PRKCE: variants seen among roughly 807,000 people sequenced by gnomAD.
The protein encoded by PRKCE is protein kinase C epsilon, also known as protein kinase C epsilon type.
In PRKCE, 16 loss-of-function variants were observed where a neutral mutation model predicts 85.4. The observed-to-expected ratio is 0.19, with a 90% CI of 0.13 to 0.28. The LOEUF (loss-of-function observed/expected upper bound fraction) is 0.28. PRKCE is among the 10% of genes least tolerant of loss of function. The pLI is 1.00. For missense variants in PRKCE, 573 were observed against 975.2 expected, an observed-to-expected ratio of 0.59 and a Z score of 5.49; for synonymous variants, 388 against 371.5, an observed-to-expected ratio of 1.04 and a Z score of -0.51.
At chr2:46,088,173 T>C (rs1041545381) in intron 11 of PRKCE, among the ~76,000 whole-genome samples, 2 of 152,220 alleles carry the variant, frequency 1.3e-5, no homozygotes, top group African/African-American at 4.8e-5. Context: ...TACCAGAGCA[T>C]GAGTTGGGGG....
At chr2:45,917,657 G>A (rs369068670) in intron 2 of PRKCE, among the ~76,000 whole-genome samples, 1 of 152,234 alleles carries the variant, frequency 6.6e-6, no homozygotes, top group East Asian at 1.9e-4. Flanking sequence ...TGCCAGTCCC[G>A]TGCCATGCGC....
chr2:45,652,037 C>A lies in PRKCE; in HGVS notation c.-64C>A. 7.6e-7 allele frequency: 1 copy of A among 1,318,316 alleles called. No homozygotes were observed. The highest frequency in any genetic ancestry group is 1.4e-5 in the South Asian group (1 of 70,822). The allele number at this position is 1,318,316 out of a possible 1,614,324, so 81.7% of individuals were successfully genotyped here. A position where few individuals can be genotyped will look rare whatever the true frequency, so the allele number is the denominator to read the frequency against. On this transcript the variant is annotated 5_prime_UTR_variant, in exon 1 of 15. Coordinates refer to ENST00000306156, the MANE Select transcript of PRKCE (RefSeq NM_005400.3). This position sits in a 1 kb window ranked among gnomAD's most constrained non-coding sequence, Gnocchi z 7.7. Reference sequence around the variant, plus strand: ...CCTGTGGCTCGGAGTGCCGGGCCGTCGGTTCTTCATTCCTGCCCTCGGGGC... The same window carrying A: ...CCTGTGGCTCGGAGTGCCGGGCCGTAGGTTCTTCATTCCTGCCCTCGGGGC...
intron 2 of PRKCE, among the ~76,000 whole-genome samples, chr2:45,856,029 T>C (rs191007121): frequency 3.9e-4 from 60 of 152,266 alleles, no homozygotes; most frequent in African/African-American, 1.2e-3. Context: ...AAAACCCTTA[T>C]AGAAAGATGG....
At chr2:45,933,535 G>A (rs185420014) in intron 2 of PRKCE, among the ~76,000 whole-genome samples, 2,113 of 145,596 alleles carry the variant, frequency 0.015, 58 homozygotes, top group African/African-American at 0.05. Flanking sequence ...GTGCAGTGGC[G>A]CGATCTCGGC....
intron 14 of PRKCE, among the ~76,000 whole-genome samples, chr2:46,176,390 T>C (rs2104692260): frequency 6.6e-6 from 1 of 152,110 alleles, no homozygotes; most frequent in Middle Eastern, 3.4e-3. Context: ...CTGCTCTGCC[T>C]ACTGCTTGGT....
chr2:45,701,234 G>C (rs947293324), intron 1 of PRKCE: 1 of 152,108 alleles, frequency 6.6e-6, no homozygotes. Context: ...TAGAAAACGG[G>C]CACATTTTAT....
chr2:46,041,838 A>T lies in PRKCE; in HGVS notation c.1437+31321A>T, dbSNP rs894978994. Among the ~76,000 whole-genome samples, 5 of 152,204 alleles carry T rather than the reference A, an allele frequency of 3.3e-5. No homozygotes were observed. The highest frequency in any genetic ancestry group is 6.5e-5 in the Admixed American group (1 of 15,272). On this transcript the variant is annotated intron_variant, in intron 10 of 14. Coordinates refer to ENST00000306156, the MANE Select transcript of PRKCE (RefSeq NM_005400.3). This position sits in a 1 kb window ranked among gnomAD's most constrained non-coding sequence, Gnocchi z 5.5. ...ACGGCCAACAATTTGATGTTGAAAAAACCAGCCTCCATGTTAACATGTCGG... is the reference window on the plus strand; with the variant it reads ...ACGGCCAACAATTTGATGTTGAAAATACCAGCCTCCATGTTAACATGTCGG...
At chr2:46,130,485 A>C (rs1674323843) in intron 11 of PRKCE, among the ~76,000 whole-genome samples, 1 of 152,206 alleles carries the variant, frequency 6.6e-6, no homozygotes, top group Non-Finnish European at 1.5e-5. Context: ...ACACATGTTA[A>C]TTATCTTTTT....
At chr2:45,683,884 T>C (rs1572933438) in intron 1 of PRKCE, among the ~76,000 whole-genome samples, 1 of 152,238 alleles carries the variant, frequency 6.6e-6, no homozygotes, top group East Asian at 1.9e-4. Context: ...GATAGGCAGC[T>C]AAGTTTGCAG....
At chr2:45,749,367 G>A (rs993082170) in intron 1 of PRKCE, among the ~76,000 whole-genome samples, 5 of 152,186 alleles carry the variant, frequency 3.3e-5, no homozygotes, top group African/African-American at 1.2e-4. Context: ...CAGCTCATAC[G>A]TTATTCTAGC....
At chr2:45,783,794 G>A (rs1686379215) in intron 1 of PRKCE, among the ~76,000 whole-genome samples, 1 of 152,200 alleles carries the variant, frequency 6.6e-6, no homozygotes, top group African/African-American at 2.4e-5. Context: ...TAGGAGCCGG[G>A]AAGTGTGCAA....
intron 1 of PRKCE, among the ~76,000 whole-genome samples, chr2:45,769,321 AT>A (rs547755167): frequency 1.7e-3 from 261 of 151,510 alleles, no homozygotes; most frequent in African/African-American, 5.8e-3. Context: ...CTTAGTTGCC[AT>A]TTTTTCTTAC....
intron 10 of PRKCE, among the ~76,000 whole-genome samples, chr2:46,085,311 C>A (rs1206632625): frequency 6.6e-6 from 1 of 152,146 alleles, no homozygotes; most frequent in African/African-American, 2.4e-5. Flanking sequence ...AAAAAGTGGC[C>A]CTCACAGTGC....
chr2:45,965,609 C>G (rs1701680834), intron 2 of PRKCE, among the ~76,000 whole-genome samples: 1 of 152,170 alleles, frequency 6.6e-6, no homozygotes, highest in Non-Finnish European at 1.5e-5. Context: ...TATTAAGGAC[C>G]AAATCCAGAA....
At chr2:45,931,794 C>A (rs956866081) in intron 2 of PRKCE, among the ~76,000 whole-genome samples, 1 of 152,088 alleles carries the variant, frequency 6.6e-6, no homozygotes, top group African/African-American at 2.4e-5. Flanking sequence ...GCAGCCTTCG[C>A]CTCCCGGGTT....
rs942373607 is a variant in PRKCE, at chr2:45,876,355, G to A, written c.412+33292G>A. On this transcript the variant is annotated intron_variant, in intron 2 of 14. Transcript: ENST00000306156. ...TCCAAGTCAACTCCAGCTTATCTTTGCCTCGCATTTCATACTCCAGCCACA... is the reference window on the plus strand; with the variant it reads ...TCCAAGTCAACTCCAGCTTATCTTTACCTCGCATTTCATACTCCAGCCACA... 4.6e-5 allele frequency among the ~76,000 whole-genome samples: 7 copies of A among 152,024 alleles called. No individual in the cohort carries two copies. In the East Asian group the frequency reaches 1.3e-3, roughly 29 times the overall value.
intron 1 of PRKCE, among the ~76,000 whole-genome samples, chr2:45,710,901 G>T (rs1439598585): frequency 6.6e-6 from 1 of 152,226 alleles, no homozygotes; most frequent in East Asian, 1.9e-4. Context: ...AACCAGGGGT[G>T]CTGGGAGAGA....
chr2:45,759,886 G>A (rs763863173), intron 1 of PRKCE, among the ~76,000 whole-genome samples: 5 of 152,192 alleles, frequency 3.3e-5, no homozygotes, highest in Admixed American at 3.3e-4. Flanking sequence ...GCAGGTGATG[G>A]ATCATGCCTA....
rs1329741562 is a variant in PRKCE, at chr2:46,102,115, C to T, written c.1592+15753C>T. 2.6e-5 allele frequency among the ~76,000 whole-genome samples: 4 copies of T among 152,140 alleles called. No individual in the cohort carries two copies. In the East Asian group the frequency reaches 7.7e-4, roughly 29 times the overall value. ...CATTCCATTGGTAGCTTGAAATCAG[C>T]CATGATGGTAGTACTTATACCATGG... On this transcript the variant is annotated intron_variant, in intron 11 of 14. Coordinates refer to ENST00000306156, the MANE Select transcript of PRKCE (RefSeq NM_005400.3).
Sources: allele counts gnomAD v4.1 joint callset (sites outside exome capture counted in the v4.1 genomes callset), GRCh38; gene constraint gnomAD v4.1.1; non-coding constraint Gnocchi (gnomAD v3.1); transcripts MANE v1.5; gene names NCBI Gene and HGNC (gene_info 2026-07-23, HGNC 2026-07-21).